The following BCL7C variants were observed in gnomAD, a reference collection of about 807,000 sequenced individuals.
The protein encoded by BCL7C is B-cell CLL/lymphoma 7 protein family member C.
A neutral mutation model predicts 26.2 loss-of-function variants in BCL7C; 8 were observed. The observed-to-expected ratio is 0.30, with a 90% CI of 0.18 to 0.55. The LOEUF (loss-of-function observed/expected upper bound fraction) is 0.55. BCL7C is among the 20% of genes least tolerant of loss of function. BCL7C has a pLI of 0.93. For missense variants in BCL7C, 262 were observed against 298.5 expected (o/e 0.88, Z 0.90); for synonymous variants, 90 against 116.5 (o/e 0.77, Z 1.47).
chr16:30,880,364 C>T (rs548558292), intron 5 of BCL7C, among the ~76,000 whole-genome samples: 3 of 151,748 alleles, frequency 2.0e-5, no homozygotes, highest in South Asian at 4.2e-4. Flanking sequence ...CATGCCACTG[C>T]ACTCCACACT....
At chr16:30,836,009 T>G (rs1468328693) in intron 5 of BCL7C, among the ~76,000 whole-genome samples, 2 of 151,390 alleles carry the variant, frequency 1.3e-5, no homozygotes, top group Non-Finnish European at 2.9e-5. Flanking sequence ...TCCCAGCACT[T>G]TGGGAGGCTG....
chr16:30,887,690 G>T, downstream of BCL7C: 1 of 1,076,094 alleles, frequency 9.3e-7, no homozygotes, highest in Non-Finnish European at 1.3e-6. Context: ...ACTACAGGAA[G>T]GTCCTCTCAG....
chr16:30,869,586 C>T (rs1441382243), intron 5 of BCL7C, among the ~76,000 whole-genome samples: 1 of 150,682 alleles, frequency 6.6e-6, no homozygotes, highest in Non-Finnish European at 1.5e-5. Flanking sequence ...ATCAAAGCTA[C>T]TGTAGCCTTG....
chr16:30,890,036 G>A (rs2055201933), intron 4 of BCL7C, among the ~76,000 whole-genome samples: 1 of 152,044 alleles, frequency 6.6e-6, no homozygotes, highest in African/African-American at 2.4e-5. Flanking sequence ...GGTGAGAAAT[G>A]GGAAGGCCAG....
At position 30,893,931 on chromosome 16, in the gene BCL7C, G is replaced by A; in HGVS notation, c.14C>T (p.Thr5Ile). ...CCGGCTCCGGGTCTCGGCCCGTACA[G>A]TCCGGCCGGCCATGCTGGCGGGGCT... is the stretch of plus-strand genomic sequence containing the variant. The part of the protein sequence containing the change: MAGR[T>I]VRAETRSRAK... The change falls in exon 1 of 6, where the codon ACT becomes ATT. Residue 5 changes from threonine to isoleucine, a missense_variant. By Grantham distance (89) the Thr-to-Ile change is moderately conservative. Coordinates refer to ENST00000215115, the MANE Select transcript of BCL7C (RefSeq NM_004765.4). The surrounding 1 kb of genome is among the most constrained non-coding windows in gnomAD (Gnocchi z 5.2). 6.4e-7 allele frequency: 1 copy of A among 1,567,500 alleles called. No homozygotes were observed.
Position 30,888,046 on chromosome 16 carries a change from T to C in BCL7C, c.529-56A>G, listed in dbSNP as rs561609062. On this transcript the variant is annotated intron_variant, in intron 5 of 5. Coordinates refer to ENST00000215115, the MANE Select transcript of BCL7C (RefSeq NM_004765.4). ...CCACAGAACCCAGGCGTCCAGCCTC[T>C]GAGCCTCTGCCTTCTCCAAAGCCTC... is the stretch of plus-strand genomic sequence containing the variant. The C allele has an allele frequency of 1.3e-5, 20 of 1,542,334 alleles. No individual in the cohort carries two copies. The African/African-American group carries it at 2.5e-4, about 20-fold the overall frequency.
intron 5 of BCL7C, among the ~76,000 whole-genome samples, chr16:30,869,668 T>C (rs1206027427): frequency 6.6e-6 from 1 of 152,002 alleles, no homozygotes; most frequent in Admixed American, 6.6e-5. Flanking sequence ...AGGACAATCA[T>C]GCCCGACTAA....
At chr16:30,851,207 G>A (rs1366733150) in intron 5 of BCL7C, 1 of 301,430 alleles carries the variant, frequency 3.3e-6, no homozygotes, top group Non-Finnish European at 6.6e-6. Context: ...GGTGAATATG[G>A]TGGATGAGGC....
At chr16:30,875,362 C>T in intron 5 of BCL7C, 1 of 152,648 alleles carries the variant, frequency 6.6e-6, no homozygotes, top group Non-Finnish European at 1.5e-5. Context: ...GAACACGCGG[C>T]GCGCGCCCGC....
At chr16:30,841,737 C>T (rs1402077185) in intron 5 of BCL7C, among the ~76,000 whole-genome samples, 7 of 151,850 alleles carry the variant, frequency 4.6e-5, no homozygotes, top group Admixed American at 3.9e-4. Context: ...GGGCAGATCA[C>T]GAGGTCAGGA....
chr16:30,888,619 G>A, intron 5 of BCL7C: 1 of 347,376 alleles, frequency 2.9e-6, no homozygotes, highest in South Asian at 4.2e-5. Context: ...ACAGGCGTGA[G>A]CCACCACGCC....
chr16:30,868,832 G>A (rs2143022017), intron 5 of BCL7C, among the ~76,000 whole-genome samples: 1 of 151,502 alleles, frequency 6.6e-6, no homozygotes, highest in East Asian at 1.9e-4. Flanking sequence ...AGAACAGAAC[G>A]GAAAAGAAAA....
intron 5 of BCL7C, chr16:30,851,847 A>C (rs552198582): frequency 7.8e-6 from 2 of 255,992 alleles, no homozygotes; most frequent in Non-Finnish European, 1.5e-5. Flanking sequence ...TATAAAATCG[A>C]CTTTTTGTCA....
At chr16:30,852,667 T>G (rs2054686145) in intron 5 of BCL7C, among the ~76,000 whole-genome samples, 1 of 151,938 alleles carries the variant, frequency 6.6e-6, no homozygotes, top group Non-Finnish European at 1.5e-5. Flanking sequence ...AATTTTTGTA[T>G]TTTTAGTAGA....
chr16:30,834,781 T>G lies in BCL7C; in HGVS notation c.*167A>C. 1 of 623,134 alleles carries G rather than the reference T, an allele frequency of 1.6e-6. No individual in the cohort carries two copies. The highest frequency in any genetic ancestry group is 2.7e-6 in the Non-Finnish European group (1 of 377,352). 38.6% of individuals were successfully genotyped at this position (623,134 alleles called of 1,614,324 possible). A position where few individuals can be genotyped will look rare whatever the true frequency, so the allele number is the denominator to read the frequency against. ...ATTCGGGCGCCAGTGGCGAGCCAGATGGGTGCTGTGGCCTTAGGTTCGGGC... is the reference window on the plus strand; with the variant it reads ...ATTCGGGCGCCAGTGGCGAGCCAGAGGGGTGCTGTGGCCTTAGGTTCGGGC... On this transcript the variant is annotated 3_prime_UTR_variant, in exon 6 of 6. Coordinates refer to the BCL7C transcript ENST00000380317. This position sits in a 1 kb window ranked among gnomAD's most constrained non-coding sequence, Gnocchi z 4.3.
chr16:30,835,622 G>T (rs2054564516), intron 5 of BCL7C, among the ~76,000 whole-genome samples: 1 of 151,462 alleles, frequency 6.6e-6, no homozygotes, highest in South Asian at 2.1e-4. Context: ...GAGGTGGGTG[G>T]ATCACCTGAG....
chr16:30,876,919 G>A (rs1011198534), intron 5 of BCL7C, among the ~76,000 whole-genome samples: 2 of 152,176 alleles, frequency 1.3e-5, no homozygotes, highest in Non-Finnish European at 2.9e-5. Flanking sequence ...AGGTGTGGAA[G>A]GGACCAAGAA....
intron 5 of BCL7C, among the ~76,000 whole-genome samples, chr16:30,847,010 C>T (rs975456891): frequency 7.9e-5 from 12 of 152,148 alleles, no homozygotes; most frequent in Non-Finnish European, 1.5e-5. Flanking sequence ...TCAGTACAGT[C>T]GAGTTATTAC....
At chr16:30,880,929 T>C (rs929298068) in intron 5 of BCL7C, among the ~76,000 whole-genome samples, 3 of 152,182 alleles carry the variant, frequency 2.0e-5, no homozygotes, top group Non-Finnish European at 4.4e-5. Flanking sequence ...CTTAAACTTC[T>C]GGACTCAAAT....
Sources: allele counts gnomAD v4.1 joint callset (sites outside exome capture counted in the v4.1 genomes callset), GRCh38; gene constraint gnomAD v4.1.1; non-coding constraint Gnocchi (gnomAD v3.1); transcripts MANE v1.5; gene names NCBI Gene and HGNC (gene_info 2026-07-23, HGNC 2026-07-21).